SMAD2: variants seen among roughly 807,000 people sequenced by gnomAD.
The protein encoded by SMAD2 is MAD homolog 2.
A neutral mutation model predicts 64.4 loss-of-function variants in SMAD2; 8 were observed. The observed-to-expected ratio is 0.12, with a 90% CI of 0.07 to 0.22. The LOEUF (loss-of-function observed/expected upper bound fraction) is 0.22. Ranked by LOEUF, SMAD2 falls within the 10% of genes least tolerant of loss-of-function variation. The pLI, the probability that SMAD2 is intolerant of heterozygous loss-of-function variation, is 1.00. For missense variants in SMAD2, 289 were observed against 561.2 expected (o/e 0.51, Z 4.90); for synonymous variants, 203 against 195.8 (o/e 1.04, Z -0.31).
chr18:47,868,581 C>T (rs1403446419), intron 4 of SMAD2, 124 bp from the exon 5 acceptor site: 10 of 720,058 alleles, frequency 1.4e-5, no homozygotes, highest in African/African-American at 5.3e-5. Context: ...TCCACCTACT[C>T]GATATATACT....
At position 47,834,802 on chromosome 18, in the gene SMAD2, A is replaced by G. The variant is rs983559153; in HGVS notation, c.*7025T>C. 5 of 219,300 alleles carry G rather than the reference A, an allele frequency of 2.3e-5. No homozygotes were observed. Among genetic ancestry groups the G allele is most frequent in the Non-Finnish European group, 4.6e-5 (5 of 109,234 alleles). 13.6% of individuals were successfully genotyped at this position (219,300 alleles called of 1,614,324 possible). A position where few individuals can be genotyped will look rare whatever the true frequency, so the allele number is the denominator to read the frequency against. On this transcript the variant is annotated 3_prime_UTR_variant, in exon 11 of 11. Coordinates refer to ENST00000262160, the MANE Select transcript of SMAD2 (RefSeq NM_005901.6). The stretch of plus-strand genomic sequence containing the variant: ...GTATTTTACTGTATTCTCTTTTTGC[A>G]ATTAATCCAGTTTTGTATGTCTTTT...
chr18:47,849,920 T>C (rs1046451537), intron 7 of SMAD2, among the ~76,000 whole-genome samples: 3 of 151,466 alleles, frequency 2.0e-5, no homozygotes, highest in Admixed American at 6.6e-5. Context: ...AGGCAGAGAA[T>C]TGCTTGAACC....
intron 2 of SMAD2, among the ~76,000 whole-genome samples, chr18:47,890,519 TATA>T (rs1478956430): frequency 6.6e-6 from 1 of 152,228 alleles, no homozygotes; most frequent in Non-Finnish European, 1.5e-5. Flanking sequence ...TATTCCTAGC[TATA>T]ATGTTTTATA....
chr18:47,907,092 CTGAAA>C (rs1256549820), intron 1 of SMAD2, among the ~76,000 whole-genome samples: 3 of 152,114 alleles, frequency 2.0e-5, no homozygotes, highest in African/African-American at 7.2e-5. Flanking sequence ...TCATAAACTG[CTGAAA>C]TGAAAGTATA....
intron 6 of SMAD2, among the ~76,000 whole-genome samples, chr18:47,860,949 G>C (rs2031129665): frequency 6.6e-6 from 1 of 152,074 alleles, no homozygotes; most frequent in South Asian, 2.1e-4. Flanking sequence ...TGTGAAATGT[G>C]TTCTTCCTAT....
At chr18:47,909,881 C>A (rs2034054378) in intron 1 of SMAD2, among the ~76,000 whole-genome samples, 2 of 152,098 alleles carry the variant, frequency 1.3e-5, no homozygotes, top group South Asian at 2.1e-4. Flanking sequence ...TCCCTGAACA[C>A]ATTAATAACA....
rs544316884 is a variant in SMAD2 at position 47,837,549 on chromosome 18, G to A, written c.*4278C>T. The A allele has an allele frequency of 8.5e-5, 16 of 188,220 alleles. No individual in the cohort carries two copies. Among genetic ancestry groups the A allele is most frequent in the Admixed American group, 3.8e-4 (4 of 10,526 alleles). 11.7% of individuals were successfully genotyped at this position (188,220 alleles called of 1,614,324 possible). A position where few individuals can be genotyped will look rare whatever the true frequency, so the allele number is the denominator to read the frequency against. ...TGCACTCCAGGTTGGGCAACAGAGC[G>A]AGACTCCCTCTCAAAAAAAAAAAAA... On this transcript the variant is annotated 3_prime_UTR_variant, in exon 11 of 11. Transcript: ENST00000262160.
At chr18:47,923,743 C>T (rs945142391) in intron 1 of SMAD2, 3 of 152,176 alleles carry the variant, frequency 2.0e-5, no homozygotes, top group Admixed American at 2.0e-4. Flanking sequence ...TTTTACATTT[C>T]GAAATTCTGC....
At chr18:47,901,165 AT>A (rs2033668802) in intron 1 of SMAD2, among the ~76,000 whole-genome samples, 1 of 152,174 alleles carries the variant, frequency 6.6e-6, no homozygotes, top group Admixed American at 6.5e-5. Flanking sequence ...TCAAAATAAA[AT>A]TTTTGGTTTA....
chr18:47,853,997 C>T (rs1025891919), intron 6 of SMAD2, among the ~76,000 whole-genome samples: 1 of 151,572 alleles, frequency 6.6e-6, no homozygotes, highest in Admixed American at 6.6e-5. Flanking sequence ...AATTAACAGG[C>T]GTTCAGTCAG....
chr18:47,818,119 T>C lies in SMAD2; in HGVS notation c.*23708A>G, dbSNP rs1912434142. On this transcript the variant is annotated 3_prime_UTR_variant, in exon 11 of 11. Transcript: ENST00000262160. ...TACCAAGAGACTGCAGCTATAGAGT[T>C]GATATGTAGAGTCTTCTAAGCTCTC... The C allele has an allele frequency of 6.6e-6, 1 of 152,212 alleles. No individual in the cohort carries two copies. Among genetic ancestry groups the C allele is most frequent in the Non-Finnish European group, 1.5e-5 (1 of 68,054 alleles). The allele number at this position is 152,212 out of a possible 1,614,324, so 9.4% of individuals were successfully genotyped here.
intron 1 of SMAD2, among the ~76,000 whole-genome samples, chr18:47,921,105 T>C (rs2034541952): frequency 6.6e-6 from 1 of 152,160 alleles, no homozygotes; most frequent in South Asian, 2.1e-4. Flanking sequence ...TGCAGTGAGC[T>C]GTGATCACAC....
intron 10 of SMAD2, among the ~76,000 whole-genome samples, chr18:47,843,419 T>C (rs1914167082): frequency 6.6e-6 from 1 of 152,154 alleles, no homozygotes; most frequent in Admixed American, 6.5e-5. Flanking sequence ...GAATAATCCA[T>C]AATCCAGGTC....
chr18:47,818,297 C>A lies in SMAD2; in HGVS notation c.*23530G>T, dbSNP rs1000019520. 1 of 152,166 alleles carries A rather than the reference C, an allele frequency of 6.6e-6. No individual in the cohort carries two copies. Among genetic ancestry groups the A allele is most frequent in the African/African-American group, 2.4e-5 (1 of 41,436 alleles). The allele number at this position is 152,166 out of a possible 1,614,324, so 9.4% of individuals were successfully genotyped here. ...TTTATAAATTATAATAGTTCCCTGG[C>A]AACCAACACCTAGAATTAAGAAGTA... On this transcript the variant is annotated 3_prime_UTR_variant, in exon 11 of 11. Coordinates refer to ENST00000262160, the MANE Select transcript of SMAD2 (RefSeq NM_005901.6).
intron 2 of SMAD2, among the ~76,000 whole-genome samples, chr18:47,877,755 ATTT>A (rs71162899): frequency 0.034 from 5,175 of 152,218 alleles, 213 homozygotes; most frequent in East Asian, 0.2. Context: ...GGTGCAAATG[ATTT>A]TTTAAGTTGC....
In SMAD2 at chr18:47,838,668, C is replaced by T; in HGVS notation, c.*3159G>A. 1 of 232,838 alleles carries T rather than the reference C, an allele frequency of 4.3e-6. No homozygotes were observed. Among genetic ancestry groups the T allele is most frequent in the East Asian group, 6.0e-5 (1 of 16,604 alleles). The allele number at this position is 232,838 out of a possible 1,614,324, so 14.4% of individuals were successfully genotyped here. A position where few individuals can be genotyped will look rare whatever the true frequency, so the allele number is the denominator to read the frequency against. On this transcript the variant is annotated 3_prime_UTR_variant, in exon 11 of 11. Transcript: ENST00000262160. ...AATCGTTGACCAGTGGTTATAAAGA[C>T]TTTCTGAGCTTCTTTTTAAAGCAAT...
At chr18:47,864,804 T>A (rs557354594) in intron 6 of SMAD2, among the ~76,000 whole-genome samples, 7 of 152,168 alleles carry the variant, frequency 4.6e-5, no homozygotes, top group African/African-American at 1.4e-4. Context: ...AATAAAAGTA[T>A]GTGCATGTTT....
At chr18:47,872,870 A>C (rs1026502503) in intron 2 of SMAD2, among the ~76,000 whole-genome samples, 1 of 152,158 alleles carries the variant, frequency 6.6e-6, no homozygotes, top group Non-Finnish European at 1.5e-5. Context: ...AGCCGATTTA[A>C]AGTATGAGAA....
Position 47,816,353 on chromosome 18 carries a change from C to G in SMAD2, c.*25474G>C, listed in dbSNP as rs535872536. ...TATACAGTGGTCACCCTAAAACTAA[C>G]ATTTTTGGATAATACACTTATAAAT... On this transcript the variant is annotated 3_prime_UTR_variant, in exon 11 of 11. Coordinates refer to ENST00000262160, the MANE Select transcript of SMAD2 (RefSeq NM_005901.6). The G allele has an allele frequency of 1.2e-4, 19 of 152,300 alleles. No individual in the cohort carries two copies. The highest frequency in any genetic ancestry group is 4.6e-4 in the African/African-American group (19 of 41,584). 9.4% of individuals were successfully genotyped at this position (152,300 alleles called of 1,614,324 possible). A position where few individuals can be genotyped will look rare whatever the true frequency, so the allele number is the denominator to read the frequency against.
Sources: gnomAD v4.1 joint callset for allele counts (sites outside exome capture counted in the v4.1 genomes callset) on GRCh38, gnomAD v4.1.1 for gene constraint, MANE v1.5 for transcripts, NCBI Gene and HGNC (gene_info 2026-07-23, HGNC 2026-07-21) for gene names.